Variants in TRPC7 observed in about 807,000 individuals in gnomAD.
The protein encoded by TRPC7 is short transient receptor potential channel 7.
TRPC7 carries 42 observed loss-of-function variants against 90.1 expected under a neutral mutation model. The observed-to-expected ratio is 0.47, with a 90% CI of 0.36 to 0.60. TRPC7 has a LOEUF of 0.60. Among genes scored for constraint, TRPC7 ranks in the 20% least tolerant of loss-of-function variants. The probability of loss-of-function intolerance (pLI) is 0.00; values close to 1 mark genes in which losing one functional copy is unlikely to be tolerated. For synonymous variants in TRPC7, 451 were observed against 436.3 expected (o/e 1.03, Z -0.42); for missense variants, 955 against 1,112.3 (o/e 0.86, Z 2.01).
chr5:136,289,604 C>T (rs886628138), intron 3 of TRPC7, among the ~76,000 whole-genome samples: 5 of 152,252 alleles, frequency 3.3e-5, no homozygotes, highest in Admixed American at 1.3e-4. Context: ...GGAGGGGCGC[C>T]TGCCATTGCC....
chr5:136,338,070 C>T (rs1327607383), intron 2 of TRPC7, among the ~76,000 whole-genome samples: 2 of 151,948 alleles, frequency 1.3e-5, no homozygotes, highest in African/African-American at 2.4e-5. Flanking sequence ...GAGAGAGCAG[C>T]GATACTTAGC....
intron 10 of TRPC7, among the ~76,000 whole-genome samples, chr5:136,219,364 A>C (rs980502663): frequency 6.6e-6 from 1 of 152,212 alleles, no homozygotes; most frequent in Non-Finnish European, 1.5e-5. Context: ...TCAGATGAGC[A>C]CTGCAGATGT....
At chr5:136,362,451 A>C (rs549472429) in intron 1 of TRPC7, among the ~76,000 whole-genome samples, 1 of 152,302 alleles carries the variant, frequency 6.6e-6, no homozygotes, top group South Asian at 2.1e-4. Context: ...TAAACATATA[A>C]AAAAGGAGGT....
At chr5:136,225,751 G>T (rs928731571) in intron 9 of TRPC7, among the ~76,000 whole-genome samples, 1 of 152,060 alleles carries the variant, frequency 6.6e-6, no homozygotes, top group African/African-American at 2.4e-5. Flanking sequence ...TCCACTAAGG[G>T]GTTCCCTTCA....
Position 136,365,470 on chromosome 5 carries a change from AACCGTGTT to A in TRPC7, c.-224_-217del, listed in dbSNP as rs1009789961. ...GGTAAAAACTCGCCTTCCGAGGCAG[AACCGTGTT>A]ACCGTCCTTTTCCTAATCGGGGGGA... On this transcript the variant is annotated 5_prime_UTR_variant, in exon 1 of 12. An upstream open reading frame in the 5' UTR loses its in-frame stop. Transcript: ENST00000513104. 1 of 587,688 alleles carries A rather than the reference AACCGTGTT, an allele frequency of 1.7e-6. No homozygotes were observed. Among genetic ancestry groups the A allele is most frequent in the African/African-American group, 1.9e-5 (1 of 53,808 alleles). The allele number at this position is 587,688 out of a possible 1,614,324, so 36.4% of individuals were successfully genotyped here. A position where few individuals can be genotyped will look rare whatever the true frequency, so the allele number is the denominator to read the frequency against.
intron 7 of TRPC7, among the ~76,000 whole-genome samples, chr5:136,232,081 T>C (rs752354106): frequency 1.3e-5 from 2 of 152,236 alleles, no homozygotes; most frequent in Admixed American, 6.5e-5. Flanking sequence ...CTTTATTTTT[T>C]ATTCAATCCA....
At chr5:136,352,150 C>T (rs1760213072) in intron 2 of TRPC7, among the ~76,000 whole-genome samples, 1 of 152,150 alleles carries the variant, frequency 6.6e-6, no homozygotes, top group Admixed American at 6.5e-5. Context: ...TTTGGGCACA[C>T]TGGATGCTTT....
chr5:136,252,065 G>C (rs914951230), intron 5 of TRPC7, among the ~76,000 whole-genome samples, 183 bp from the exon 6 acceptor site: 3 of 152,234 alleles, frequency 2.0e-5, no homozygotes, highest in Admixed American at 2.0e-4. Flanking sequence ...GAGACTCAGA[G>C]ACTTGGCCTT....
chr5:136,265,011 T>C (rs143408862), intron 5 of TRPC7, among the ~76,000 whole-genome samples: 3 of 152,300 alleles, frequency 2.0e-5, no homozygotes, highest in East Asian at 1.9e-4. Flanking sequence ...AGAGAGCATT[T>C]TTCCAATTGG....
intron 5 of TRPC7, among the ~76,000 whole-genome samples, chr5:136,262,453 G>T (rs1756890601): frequency 6.6e-6 from 1 of 152,132 alleles, no homozygotes; most frequent in Non-Finnish European, 1.5e-5. Context: ...GCTCTTACCT[G>T]CTCAACTACT....
At chr5:136,285,827 C>G (rs1212328300) in intron 3 of TRPC7, among the ~76,000 whole-genome samples, 2 of 152,206 alleles carry the variant, frequency 1.3e-5, no homozygotes, top group African/African-American at 4.8e-5. Context: ...TAGTCTAGTT[C>G]TTGCCTCAGT....
chr5:136,357,274 G>A lies in TRPC7; in HGVS notation c.114C>T (p.Thr38=), dbSNP rs1760420672. The change falls in exon 2 of 12, where the codon ACC becomes ACT. Residue 38 remains threonine, a synonymous_variant. Transcript: ENST00000513104. ...AGCGCTCCTCCTCGGGCGTCAGACT[G>A]GTGCCCTTCTCGTTGAACATGTAGG... The part of the protein sequence containing the change: ...GPAYMFNEKG[T]SLTPEEERFL... 6.2e-7 allele frequency: 1 copy of A among 1,613,086 alleles called. No homozygotes were observed.
At chr5:136,308,960 G>T (rs1004148288) in intron 3 of TRPC7, among the ~76,000 whole-genome samples, 6 of 152,168 alleles carry the variant, frequency 3.9e-5, no homozygotes, top group Non-Finnish European at 8.8e-5. Context: ...GCCCATTCAT[G>T]GCATGACTGT....
chr5:136,318,903 G>T (rs1373588331), intron 2 of TRPC7, among the ~76,000 whole-genome samples: 1 of 151,880 alleles, frequency 6.6e-6, no homozygotes, highest in African/African-American at 2.4e-5. Context: ...ATATTTCATG[G>T]TCAATGAAAT....
chr5:136,307,157 A>G (rs1758665519), intron 3 of TRPC7, among the ~76,000 whole-genome samples: 1 of 152,214 alleles, frequency 6.6e-6, no homozygotes, highest in African/African-American at 2.4e-5. Flanking sequence ...ATGAAAATTT[A>G]CTTTCTTACT....
chr5:136,235,672 C>T (rs903405230), intron 7 of TRPC7, among the ~76,000 whole-genome samples: 7 of 152,186 alleles, frequency 4.6e-5, no homozygotes, highest in Non-Finnish European at 7.3e-5. Flanking sequence ...AAGAAAATAT[C>T]TTGGAATTAG....
At chr5:136,278,375 G>T (rs1757439532) in intron 3 of TRPC7, among the ~76,000 whole-genome samples, 1 of 152,206 alleles carries the variant, frequency 6.6e-6, no homozygotes, top group Non-Finnish European at 1.5e-5. Flanking sequence ...CAGGACCAAA[G>T]TTGCCTTCCT....
chr5:136,231,349 C>T lies in TRPC7; in HGVS notation c.2040+5G>A, dbSNP rs754808934. Reference sequence around the variant, plus strand: ...GAGCAAGCATTTTCAGTGACCTGGCCTTACCTCAATTTCCTGATAGGAGTT... The same window carrying T: ...GAGCAAGCATTTTCAGTGACCTGGCTTTACCTCAATTTCCTGATAGGAGTT... On this transcript the variant is annotated splice_donor_5th_base_variant and intron_variant, in intron 8 of 11. Transcript: ENST00000513104. The T allele has an allele frequency of 3.1e-6, 5 of 1,587,634 alleles. No homozygotes were observed. In the Admixed American group the frequency reaches 8.5e-5, roughly 27 times the overall value.
intron 2 of TRPC7, among the ~76,000 whole-genome samples, chr5:136,338,882 CA>C (rs1253576164): frequency 2.6e-5 from 4 of 151,790 alleles, no homozygotes; most frequent in South Asian, 2.1e-4. Flanking sequence ...GCCTAAAAAC[CA>C]AACACGAAAA....
Sources: allele counts gnomAD v4.1 joint callset (sites outside exome capture counted in the v4.1 genomes callset), GRCh38; gene constraint gnomAD v4.1.1; transcripts MANE v1.5; gene names NCBI Gene and HGNC (gene_info 2026-07-23, HGNC 2026-07-21).